Variants in NXPH3 observed in about 807,000 individuals in gnomAD.
The protein encoded by NXPH3 is neurexophilin-3.
Under a neutral mutation model 18.8 loss-of-function variants are expected in NXPH3, and 7 were observed. That is an observed-to-expected ratio of 0.37 (90% confidence interval 0.21 to 0.70). The LOEUF is 0.70. Ranked by LOEUF, NXPH3 falls within the 30% of genes least tolerant of loss-of-function variation. The pLI, the probability that NXPH3 is intolerant of heterozygous loss-of-function variation, is 0.53. For synonymous variants in NXPH3, 101 were observed against 137.3 expected, an observed-to-expected ratio of 0.74 and a Z score of 1.85; for missense variants, 282 against 338.1, an observed-to-expected ratio of 0.83 and a Z score of 1.30.
In NXPH3 at chr17:49,579,304, G is replaced by A. The variant is rs200194159; in HGVS notation, c.*4G>A. 524 of 1,592,806 alleles carry A rather than the reference G, an allele frequency of 3.3e-4. No homozygotes were observed. The highest frequency in any genetic ancestry group is 1.7e-4 in the South Asian group (15 of 90,656). On this transcript the variant is annotated 3_prime_UTR_variant, in exon 2 of 2. Transcript: ENST00000328741. This position sits in a 1 kb window ranked among gnomAD's most constrained non-coding sequence, Gnocchi z 6.0. ...CCCCTACTACCCATCTGGGTGACCC[G>A]GGGCAGGCCACAGAGGCCAGGCCAG...
chr17:49,581,251 A>C lies in NXPH3; in HGVS notation c.*1951A>C. 1 of 296,034 alleles carries C rather than the reference A, an allele frequency of 3.4e-6. No individual in the cohort carries two copies. The allele number at this position is 296,034 out of a possible 1,614,324, so 18.3% of individuals were successfully genotyped here. A position where few individuals can be genotyped will look rare whatever the true frequency, so the allele number is the denominator to read the frequency against. On this transcript the variant is annotated 3_prime_UTR_variant, in exon 2 of 2. Transcript: ENST00000328741. ...GCCAGTGGCACCTTGTCTGGGAGTT[A>C]GTTGGGCCCTTTGGGACTCTGTGAA...
At position 49,576,208 on chromosome 17, in the gene NXPH3, C is replaced by T. The variant is rs1166707392; in HGVS notation, c.-12C>T. On this transcript the variant is annotated 5_prime_UTR_variant, in exon 1 of 2. Coordinates refer to ENST00000328741, the MANE Select transcript of NXPH3 (RefSeq NM_007225.4). ...GAAGGGGAGAGCGAGGGGACGAGAG[C>T]GGAGGAGGAAGATGCAACTGACTCG... 13 of 1,563,706 alleles carry T rather than the reference C, an allele frequency of 8.3e-6. No homozygotes were observed. The African/African-American group carries it at 1.2e-4, about 15-fold the overall frequency.
rs1195658294 is a variant in NXPH3, at chr17:49,583,092, G to C, written c.*3792G>C. On this transcript the variant is annotated 3_prime_UTR_variant, in exon 2 of 2. Transcript: ENST00000328741. ...TGGGTGGGTGGCAGGGATCCTGGGGGAGTGTTTATGGGGACGGAGGCAGCT... is the reference window on the plus strand; with the variant it reads ...TGGGTGGGTGGCAGGGATCCTGGGGCAGTGTTTATGGGGACGGAGGCAGCT... The C allele has an allele frequency of 1.3e-5, 2 of 152,410 alleles. No individual in the cohort carries two copies. The highest frequency in any genetic ancestry group is 2.9e-5 in the Non-Finnish European group (2 of 68,136). 9.4% of individuals were successfully genotyped at this position (152,410 alleles called of 1,614,324 possible).
chr17:49,576,336 G>C, intron 1 of NXPH3, 63 bp downstream of exon 1: 1 of 1,523,564 alleles, frequency 6.6e-7, no homozygotes, highest in East Asian at 2.5e-5. Context: ...GGAGAGCGCG[G>C]GAAGCTTGCG....
Position 49,581,403 on chromosome 17 carries a change from G to A in NXPH3, c.*2103G>A. ...GAGAGTCCTGGCAGTAAGGTAAGAT[G>A]GGCTTGCCACCCCCCACCTTTCGCC... On this transcript the variant is annotated 3_prime_UTR_variant, in exon 2 of 2. Transcript: ENST00000328741. 1.7e-6 allele frequency: 1 copy of A among 595,446 alleles called. No individual in the cohort carries two copies. The highest frequency in any genetic ancestry group is 3.0e-6 in the Non-Finnish European group (1 of 334,656). The allele number at this position is 595,446 out of a possible 1,614,324, so 36.9% of individuals were successfully genotyped here. A position where few individuals can be genotyped will look rare whatever the true frequency, so the allele number is the denominator to read the frequency against.
Position 49,581,274 on chromosome 17 carries a change from G to T in NXPH3, c.*1974G>T, listed in dbSNP as rs1018436171. On this transcript the variant is annotated 3_prime_UTR_variant, in exon 2 of 2. Transcript: ENST00000328741. Reference sequence around the variant, plus strand: ...TTAGTTGGGCCCTTTGGGACTCTGTGAAGGGAAGACACTACCAAGGTCACA... The same window carrying T: ...TTAGTTGGGCCCTTTGGGACTCTGTTAAGGGAAGACACTACCAAGGTCACA... 4 of 382,172 alleles carry T rather than the reference G, an allele frequency of 1.0e-5. No homozygotes were observed. In the Admixed American group the frequency reaches 1.7e-4, roughly 16 times the overall value. 23.7% of individuals were successfully genotyped at this position (382,172 alleles called of 1,614,324 possible). A position where few individuals can be genotyped will look rare whatever the true frequency, so the allele number is the denominator to read the frequency against.
rs2071569547 is a variant in NXPH3 at position 49,576,125 on chromosome 17, A to G, written c.-95A>G. ...GCCGCGGGCCGCCGGGGACTGGAGCATGGGACGGCGCGCCTGAAGGAGCAG... is the reference window on the plus strand; with the variant it reads ...GCCGCGGGCCGCCGGGGACTGGAGCGTGGGACGGCGCGCCTGAAGGAGCAG... On this transcript the variant is annotated 5_prime_UTR_variant, in exon 1 of 2. The change abolishes an upstream ATG in the 5' untranslated region. Transcript: ENST00000328741. The G allele has an allele frequency of 6.9e-7, 1 of 1,454,392 alleles. No individual in the cohort carries two copies. The highest frequency in any genetic ancestry group is 9.4e-7 in the Non-Finnish European group (1 of 1,063,938). The allele number at this position is 1,454,392 out of a possible 1,614,324, so 90.1% of individuals were successfully genotyped here.
At position 49,578,785 on chromosome 17, in the gene NXPH3, C is replaced by T. The variant is rs547958058; in HGVS notation, c.244C>T (p.Pro82Ser). Residue 82 changes from proline to serine, a missense_variant, in exon 2 of 2, where the codon CCC (proline) becomes TCC (serine). Physicochemically the swap from Pro to Ser is moderately conservative, Grantham distance 74. Transcript: ENST00000328741. The surrounding 1 kb of genome is among the most constrained non-coding windows in gnomAD (Gnocchi z 4.5). ...PGEAWGILGQ[P>S]PNRPNHSPPP... is the part of the protein sequence containing the mutation. ...GGAGGCTTGGGGCATTCTTGGGCAGCCCCCCAACCGCCCGAACCACAGCCC... is the reference window on the plus strand; with the variant it reads ...GGAGGCTTGGGGCATTCTTGGGCAGTCCCCCAACCGCCCGAACCACAGCCC... The T allele has an allele frequency of 1.3e-4, 211 of 1,613,608 alleles. No individual in the cohort carries two copies. Among genetic ancestry groups the T allele is most frequent in the Non-Finnish European group, 1.7e-4 (203 of 1,179,846 alleles).
chr17:49,578,499 G>T lies in NXPH3; in HGVS notation c.55-97G>T. 1.0e-6 allele frequency: 1 copy of T among 966,380 alleles called. No homozygotes were observed. The highest frequency in any genetic ancestry group is 2.4e-5 in the East Asian group (1 of 41,128). 59.9% of individuals were successfully genotyped at this position (966,380 alleles called of 1,614,324 possible). On this transcript the variant is annotated intron_variant, in intron 1 of 1. Transcript: ENST00000328741. The surrounding 1 kb of genome is among the most constrained non-coding windows in gnomAD (Gnocchi z 4.5). ...CAAGACGCAGGAGCTCCTCACCCAG[G>T]TCAGAGTGAAGTGGCAGGGACAGGG...
chr17:49,581,569 G>A lies in NXPH3; in HGVS notation c.*2269G>A, dbSNP rs754533982. ...CCCCCACATCATGCTTCCAGGGGCCGTCTCTCCTGAGTGGAGATGTGAGAC... is the reference window on the plus strand; with the variant it reads ...CCCCCACATCATGCTTCCAGGGGCCATCTCTCCTGAGTGGAGATGTGAGAC... On this transcript the variant is annotated 3_prime_UTR_variant, in exon 2 of 2. Transcript: ENST00000328741. 5.4e-5 allele frequency: 37 copies of A among 688,374 alleles called. No homozygotes were observed. Among genetic ancestry groups the A allele is most frequent in the East Asian group, 4.3e-4 (16 of 37,128 alleles). 42.6% of individuals were successfully genotyped at this position (688,374 alleles called of 1,614,324 possible). A position where few individuals can be genotyped will look rare whatever the true frequency, so the allele number is the denominator to read the frequency against.
rs750893479 is a variant in NXPH3 at position 49,579,067 on chromosome 17, C to T, written c.526C>T (p.Arg176Trp). Residue 176 changes from arginine to tryptophan, a missense_variant, in exon 2 of 2, where the codon CGG becomes TGG. Arg to Trp is a moderately radical substitution (Grantham distance 101). Transcript: ENST00000328741. The surrounding 1 kb of genome is among the most constrained non-coding windows in gnomAD (Gnocchi z 6.0). ...CAAGGCCTCCAAAATCTTCAACTGC[C>T]GGATGGAGTGGGAGAAGGTAGAACG... Reference protein sequence around the residue: ...EAKASKIFNCRMEWEKVERGR... With the variant: ...EAKASKIFNCWMEWEKVERGR... 6 of 1,614,132 alleles carry T rather than the reference C, an allele frequency of 3.7e-6. No individual in the cohort carries two copies. The highest frequency in any genetic ancestry group is 1.1e-5 in the South Asian group (1 of 91,082).
chr17:49,579,781 G>C lies in NXPH3; in HGVS notation c.*481G>C, dbSNP rs551694525. ...TTCCTAGGAGCCAGTCAGCAGGGTG[G>C]GGTGGGGCCAGAGGAGCTCTCCAGC... On this transcript the variant is annotated 3_prime_UTR_variant, in exon 2 of 2. Coordinates refer to ENST00000328741, the MANE Select transcript of NXPH3 (RefSeq NM_007225.4). The surrounding 1 kb of genome is among the most constrained non-coding windows in gnomAD (Gnocchi z 6.0). The C allele has an allele frequency of 5.0e-4, 84 of 168,696 alleles. No individual in the cohort carries two copies. The highest frequency in any genetic ancestry group is 1.9e-3 in the African/African-American group (80 of 41,960). The allele number at this position is 168,696 out of a possible 1,614,324, so 10.4% of individuals were successfully genotyped here. A position where few individuals can be genotyped will look rare whatever the true frequency, so the allele number is the denominator to read the frequency against.
In NXPH3 at chr17:49,581,980, C is replaced by T; in HGVS notation, c.*2680C>T. ...CCTCATCCCTCCTTTCCACCTTCCCCAGTAGCCTGGCTGCTCTCCTCAGCT... is the reference window on the plus strand; with the variant it reads ...CCTCATCCCTCCTTTCCACCTTCCCTAGTAGCCTGGCTGCTCTCCTCAGCT... On this transcript the variant is annotated 3_prime_UTR_variant, in exon 2 of 2. Coordinates refer to ENST00000328741, the MANE Select transcript of NXPH3 (RefSeq NM_007225.4). The T allele has an allele frequency of 1.7e-6, 1 of 598,614 alleles. No individual in the cohort carries two copies. Among genetic ancestry groups the T allele is most frequent in the Non-Finnish European group, 3.0e-6 (1 of 336,186 alleles). 37.1% of individuals were successfully genotyped at this position (598,614 alleles called of 1,614,324 possible). A position where few individuals can be genotyped will look rare whatever the true frequency, so the allele number is the denominator to read the frequency against.
rs2071598871 is a variant in NXPH3 at position 49,581,270 on chromosome 17, CTG to C, written c.*1973_*1974del. ...GGAGTTAGTTGGGCCCTTTGGGACT[CTG>C]TGAAGGGAAGACACTACCAAGGTCA... On this transcript the variant is annotated 3_prime_UTR_variant, in exon 2 of 2. Coordinates refer to ENST00000328741, the MANE Select transcript of NXPH3 (RefSeq NM_007225.4). The C allele has an allele frequency of 2.7e-6, 1 of 368,586 alleles. No homozygotes were observed. The highest frequency in any genetic ancestry group is 4.7e-5 in the East Asian group (1 of 21,056). The allele number at this position is 368,586 out of a possible 1,614,324, so 22.8% of individuals were successfully genotyped here.
Position 49,581,537 on chromosome 17 carries a change from C to G in NXPH3, c.*2237C>G. The G allele has an allele frequency of 1.5e-6, 1 of 664,862 alleles. No homozygotes were observed. The highest frequency in any genetic ancestry group is 2.7e-6 in the Non-Finnish European group (1 of 364,956). The allele number at this position is 664,862 out of a possible 1,614,324, so 41.2% of individuals were successfully genotyped here. The stretch of plus-strand genomic sequence containing the variant: ...GCCCACCTTGTAGGAAATGACCCAG[C>G]TTGTTTCCCCCACATCATGCTTCCA... On this transcript the variant is annotated 3_prime_UTR_variant, in exon 2 of 2. Coordinates refer to ENST00000328741, the MANE Select transcript of NXPH3 (RefSeq NM_007225.4).
In NXPH3 at chr17:49,581,347, C is replaced by G. The variant is rs1597889209; in HGVS notation, c.*2047C>G. On this transcript the variant is annotated 3_prime_UTR_variant, in exon 2 of 2. Transcript: ENST00000328741. ...AGTCGGCTCTCTTGGGAGGGCAGCA[C>G]TCAGGGCCCTTTGGGCCCTCTTGAG... is the stretch of plus-strand genomic sequence containing the variant. 3.6e-6 allele frequency: 2 copies of G among 554,292 alleles called. No homozygotes were observed. The highest frequency in any genetic ancestry group is 1.9e-5 in the African/African-American group (1 of 52,864). The allele number at this position is 554,292 out of a possible 1,614,324, so 34.3% of individuals were successfully genotyped here. A position where few individuals can be genotyped will look rare whatever the true frequency, so the allele number is the denominator to read the frequency against.
Position 49,578,889 on chromosome 17 carries a change from G to A in NXPH3, c.348G>A (p.Leu116=). 6.2e-7 allele frequency: 1 copy of A among 1,614,142 alleles called. No individual in the cohort carries two copies. The highest frequency in any genetic ancestry group is 2.2e-5 in the East Asian group (1 of 44,880). Residue 116 remains leucine (L), a synonymous_variant, in exon 2 of 2, where the codon CTG becomes CTA. Transcript: ENST00000328741. The surrounding 1 kb of genome is among the most constrained non-coding windows in gnomAD (Gnocchi z 4.5). ...ACATCAAGACGGTGGCCCTGAACCTGCTCGTCACAGGGAAGATTGTGGACC... is the reference window on the plus strand; with the variant it reads ...ACATCAAGACGGTGGCCCTGAACCTACTCGTCACAGGGAAGATTGTGGACC... The part of the protein sequence containing the change: ...YSNIKTVALN[L]LVTGKIVDHG...
intron 1 of NXPH3, chr17:49,577,910 G>A (rs750068924): frequency 2.0e-5 from 3 of 152,184 alleles, no homozygotes; most frequent in African/African-American, 4.8e-5. Flanking sequence ...AACTATATTC[G>A]TGCTTGAGAA....
rs879111585 is a variant in NXPH3, at chr17:49,582,205, C to A, written c.*2905C>A. The A allele has an allele frequency of 5.8e-6, 2 of 347,770 alleles. No homozygotes were observed. The highest frequency in any genetic ancestry group is 2.1e-5 in the African/African-American group (1 of 47,620). 21.5% of individuals were successfully genotyped at this position (347,770 alleles called of 1,614,324 possible). ...CCATGGTGATGCCCCCCCACCATCACGACGAAGTGCGCTGGCCTCCCACTC... is the reference window on the plus strand; with the variant it reads ...CCATGGTGATGCCCCCCCACCATCAAGACGAAGTGCGCTGGCCTCCCACTC... On this transcript the variant is annotated 3_prime_UTR_variant, in exon 2 of 2. Transcript: ENST00000328741.
Sources: allele counts gnomAD v4.1 joint callset, GRCh38; gene constraint gnomAD v4.1.1; non-coding constraint Gnocchi (gnomAD v3.1); transcripts MANE v1.5; gene names NCBI Gene and HGNC (gene_info 2026-07-23, HGNC 2026-07-21).